EVC: variants seen among roughly 807,000 people sequenced by gnomAD.
EVC encodes the protein evC complex member EVC.
A neutral mutation model predicts 118.9 loss-of-function variants in EVC; 116 were observed. That is an observed-to-expected ratio of 0.98 (90% CI 0.84 to 1.14). EVC has a LOEUF of 1.14. Among genes scored for constraint, EVC ranks in the 50% most tolerant of loss-of-function variants. The probability of loss-of-function intolerance (pLI) is 0.00; values close to 1 mark genes in which losing one functional copy is unlikely to be tolerated. For synonymous variants in EVC, 619 were observed against 534.7 expected (o/e 1.16, Z -2.18); for missense variants, 1,401 against 1,246.4 (o/e 1.12, Z -1.87).
chr4:5,734,644 G>A (rs982814344), intron 5 of EVC, among the ~76,000 whole-genome samples: 10 of 152,148 alleles, frequency 6.6e-5, no homozygotes, highest in Admixed American at 6.5e-5. Context: ...GCAACACAGC[G>A]ACATCCTGTC....
chr4:5,817,250 T>C (rs1484588027), downstream of EVC, among the ~76,000 whole-genome samples: 1 of 152,198 alleles, frequency 6.6e-6, no homozygotes, highest in Non-Finnish European at 1.5e-5. Context: ...TATAGAGGCT[T>C]CCTGCACCGT....
the EVC span, chr4:5,821,573 G>T: frequency 1.7e-5 from 10 of 603,876 alleles, no homozygotes; most frequent in South Asian, 2.0e-4. The surrounding 1 kb of genome is among the most constrained non-coding windows in gnomAD (Gnocchi z 4.4). Context: ...GTGGGGCAAG[G>T]AATTTCCAAG....
the EVC span, chr4:5,828,551 G>A: frequency 6.3e-5 from 102 of 1,614,076 alleles, no homozygotes; most frequent in Admixed American, 1.0e-4. Flanking sequence ...GGAATGAAGC[G>A]GCCCATGCCC....
chr4:5,761,704 GTC>G (rs1347413200), intron 11 of EVC, among the ~76,000 whole-genome samples: 1 of 151,882 alleles, frequency 6.6e-6, no homozygotes, highest in Admixed American at 6.5e-5. Context: ...TCAGCATGGA[GTC>G]TTTTGAAAGG....
At chr4:5,791,934 C>T (rs887606988) in intron 12 of EVC, among the ~76,000 whole-genome samples, 2 of 152,214 alleles carry the variant, frequency 1.3e-5, no homozygotes, top group Non-Finnish European at 2.9e-5. Flanking sequence ...ACACATTCTC[C>T]CTTGCTGCAT....
intron 11 of EVC, among the ~76,000 whole-genome samples, chr4:5,767,295 C>G (rs911388435): frequency 1.9e-4 from 29 of 149,432 alleles, no homozygotes; most frequent in Non-Finnish European, 3.0e-5. Flanking sequence ...AACCACTGCT[C>G]TCTTCAAAGC....
rs1040371144 is a variant in EVC, at chr4:5,754,760, A to T, written c.1464+827A>T. 7.9e-5 allele frequency among the ~76,000 whole-genome samples: 12 copies of T among 152,198 alleles called. No individual in the cohort carries two copies. Among genetic ancestry groups the T allele is most frequent in the African/African-American group, 2.9e-4 (12 of 41,556 alleles). On this transcript the variant is annotated intron_variant, in intron 10 of 20. Transcript: ENST00000264956. This position sits in a 1 kb window ranked among gnomAD's most constrained non-coding sequence, Gnocchi z 5.8. ...TTACCCTCTGGCCCTCAGCTTCCAC[A>T]TCTGTGAAATGGGCATAATGGCACC...
At chr4:5,751,568 G>A (rs1376100829) in intron 8 of EVC, among the ~76,000 whole-genome samples, 2 of 152,242 alleles carry the variant, frequency 1.3e-5, no homozygotes, top group African/African-American at 4.8e-5. Context: ...GTCTTGTGTT[G>A]TGGGAACAGA....
rs892652059 is a variant in EVC, at chr4:5,737,314, A to G, written c.702+3879A>G. ...CTGTCTCCAGAACAAACAAAAGTGC[A>G]AGGTGAAGCAGCAGCAAGTGCTGAT... On this transcript the variant is annotated intron_variant, in intron 5 of 20. Coordinates refer to ENST00000264956, the MANE Select transcript of EVC (RefSeq NM_153717.3). The surrounding 1 kb of genome is among the most constrained non-coding windows in gnomAD (Gnocchi z 5.0). Among the ~76,000 whole-genome samples, 2 of 152,264 alleles carry G rather than the reference A, an allele frequency of 1.3e-5. No homozygotes were observed. The highest frequency in any genetic ancestry group is 4.8e-5 in the African/African-American group (2 of 41,470).
In EVC at chr4:5,798,764, G is replaced by A. The variant is rs201776972; in HGVS notation, c.2276G>A (p.Ser759Asn). 460 of 1,611,210 alleles carry A rather than the reference G, an allele frequency of 2.9e-4. No homozygotes were observed. In the East Asian group the frequency reaches 6.8e-3, roughly 24 times the overall value. ...CATGCACGGAATGCAGCCACCAAGAGCCGGGCCAAGGACAGGGATGACTTC... is the reference window on the plus strand; with the variant it reads ...CATGCACGGAATGCAGCCACCAAGAACCGGGCCAAGGACAGGGATGACTTC... ...LVHARNAATK[S>N]RAKDRDDFKR... Residue 759 changes from serine (S) to asparagine (N), a missense_variant, in exon 15 of 21, where the codon AGC (serine) becomes AAC (asparagine). Ser to Asn is a conservative substitution (Grantham distance 46). Transcript: ENST00000264956. This position sits in a 1 kb window ranked among gnomAD's most constrained non-coding sequence, Gnocchi z 4.1.
rs1552057 is a variant in EVC at position 5,804,639 on chromosome 4, T to C, written c.2450-91T>C. 0.32 allele frequency: 332,825 copies of C among 1,031,772 alleles called. 54,553 individuals carry two copies. The highest frequency in any genetic ancestry group is 0.42 in the South Asian group (32,261 of 76,438). The allele number at this position is 1,031,772 out of a possible 1,614,324, so 63.9% of individuals were successfully genotyped here. A position where few individuals can be genotyped will look rare whatever the true frequency, so the allele number is the denominator to read the frequency against. On this transcript the variant is annotated intron_variant, in intron 16 of 20. Transcript: ENST00000264956. Reference sequence around the variant, plus strand: ...TACACTCTTGGAGAGCTGGTGTGTCTCACTCACCCTGCACCCCAGCACCTG... The same window carrying C: ...TACACTCTTGGAGAGCTGGTGTGTCCCACTCACCCTGCACCCCAGCACCTG...
At chr4:5,765,854 T>C (rs2152147650) in intron 11 of EVC, among the ~76,000 whole-genome samples, 1 of 150,652 alleles carries the variant, frequency 6.6e-6, no homozygotes, top group South Asian at 2.1e-4. Flanking sequence ...TGACTCTTCA[T>C]CCAGTTTGCC....
the EVC span, chr4:5,828,630 G>C: frequency 6.2e-7 from 1 of 1,614,058 alleles, no homozygotes; most frequent in Admixed American, 1.7e-5. Flanking sequence ...GTGGGGAGCC[G>C]TGGCACTCCA....
the EVC span, chr4:5,825,632 C>T: frequency 5.0e-6 from 8 of 1,610,746 alleles, no homozygotes; most frequent in South Asian, 1.1e-5. This position sits in a 1 kb window ranked among gnomAD's most constrained non-coding sequence, Gnocchi z 4.4. Context: ...TCATACATGC[C>T]CCTGGAAACC....
rs373279452 is a variant in EVC at position 5,718,785 on chromosome 4, ACTACT to A, written c.175-459_175-455del. ...GCATTCATTGTAGTTCAGAATAGAA[ACTACT>A]CTATAACTTAAGGTCACCTAACATA... is the stretch of plus-strand genomic sequence containing the variant. On this transcript the variant is annotated intron_variant, in intron 1 of 20. Coordinates refer to ENST00000264956, the MANE Select transcript of EVC (RefSeq NM_153717.3). Among the ~76,000 whole-genome samples the A allele has an allele frequency of 1.2e-4, 18 of 152,350 alleles. No individual in the cohort carries two copies. The South Asian group carries it at 3.5e-3, about 30-fold the overall frequency.
In EVC at chr4:5,757,054, C is replaced by T. The variant is rs1055776950; in HGVS notation, c.1563+692C>T. Among the ~76,000 whole-genome samples, 16 of 152,214 alleles carry T rather than the reference C, an allele frequency of 1.1e-4. 1 individual carries two copies. The highest frequency in any genetic ancestry group is 2.1e-4 in the South Asian group (1 of 4,830). ...GTCCTGGCTCCCCGCTTCCTCACTG[C>T]GTGACCACAGGAGCATCACTTGGCC... On this transcript the variant is annotated intron_variant, in intron 11 of 20. Transcript: ENST00000264956.
At chr4:5,735,573 A>T (rs537676775) in intron 5 of EVC, among the ~76,000 whole-genome samples, 14 of 152,192 alleles carry the variant, frequency 9.2e-5, no homozygotes, top group African/African-American at 3.4e-4. Flanking sequence ...TGGTCACAGC[A>T]GTGATTATTC....
In EVC at chr4:5,811,337, C is replaced by G. The variant is rs774733246; in HGVS notation, c.*300C>G. The G allele has an allele frequency of 2.5e-6, 1 of 403,122 alleles. No individual in the cohort carries two copies. Among genetic ancestry groups the G allele is most frequent in the East Asian group, 5.4e-5 (1 of 18,682 alleles). 25.0% of individuals were successfully genotyped at this position (403,122 alleles called of 1,614,324 possible). On this transcript the variant is annotated 3_prime_UTR_variant, in exon 21 of 21. Transcript: ENST00000264956. Reference sequence around the variant, plus strand: ...CCCAAGGAGGGACGTCTTGAGGGGTCCGAGCCTCAGGCCAAGGACCCCTGA... The same window carrying G: ...CCCAAGGAGGGACGTCTTGAGGGGTGCGAGCCTCAGGCCAAGGACCCCTGA...
chr4:5,713,676 CAA>C (rs35032068), intron 1 of EVC, among the ~76,000 whole-genome samples: 8,518 of 71,328 alleles, frequency 0.12, 295 homozygotes, highest in Middle Eastern at 0.26. Flanking sequence ...GGCTCCGTCT[CAA>C]AAAAAAAAAA....
Sources: allele counts gnomAD v4.1 joint callset (sites outside exome capture counted in the v4.1 genomes callset), GRCh38; gene constraint gnomAD v4.1.1; non-coding constraint Gnocchi (gnomAD v3.1); transcripts MANE v1.5; gene names NCBI Gene and HGNC (gene_info 2026-07-23, HGNC 2026-07-21).